The following PRH1 variants were observed in gnomAD, a reference collection of about 807,000 sequenced individuals.
PRH1 encodes salivary acidic proline-rich phosphoprotein 1/2.
PRH1 carries 7 observed loss-of-function variants against 7.9 expected under a neutral mutation model. That is an observed-to-expected ratio of 0.89 (90% CI 0.50 to 1.67). The LOEUF is 1.67. PRH1 is among the 40% of genes most tolerant of loss of function. PRH1 has a pLI of 0.00. For synonymous variants in PRH1, 45 were observed against 80.8 expected, an observed-to-expected ratio of 0.56 and a Z score of 2.38; for missense variants, 109 against 223.6, an observed-to-expected ratio of 0.49 and a Z score of 3.27.
intron 1 of PRH1, among the ~76,000 whole-genome samples, chr12:11,059,729 T>A (rs1208471825): frequency 6.8e-6 from 1 of 146,078 alleles, no homozygotes; most frequent in African/African-American, 2.5e-5. Flanking sequence ...ACTTTTCCTC[T>A]GCGGAAGGAT....
intron 1 of PRH1, among the ~76,000 whole-genome samples, chr12:11,151,972 A>C (rs1224905624): frequency 1.3e-5 from 2 of 151,938 alleles, no homozygotes; most frequent in African/African-American, 4.8e-5. Flanking sequence ...CAGATCTAAA[A>C]TTTTATAATA....
intron 2 of PRH1, among the ~76,000 whole-genome samples, chr12:10,906,279 T>C (rs1424905169): frequency 6.6e-6 from 1 of 152,188 alleles, no homozygotes; most frequent in Non-Finnish European, 1.5e-5. Flanking sequence ...TTGCAAATAT[T>C]TATTCCAACT....
downstream of PRH1, among the ~76,000 whole-genome samples, chr12:11,118,993 CAAAAAAAAAAAAAA>C (rs3983928): frequency 6.6e-5 from 5 of 75,580 alleles, no homozygotes; most frequent in Admixed American, 3.5e-4. Flanking sequence ...GACTCCATCT[CAAAAAAAAAAAAAA>C]AAAAAAAAAA....
chr12:11,168,279 AGAAAGAAAGAAAGAAAGAAAGAAGGAAG>A lies in PRH1; in HGVS notation n.39+3115_39+3142del, dbSNP rs1565725613. Reference sequence around the variant, plus strand: ...AAGAAAGAAAGAAAGAAAGAAAGAAAGAAAGAAAGAAAGAAAGAAAGAAGGAAGGAAGGAAGGAAGGAAGGAAGGAAGG... The same window carrying A: ...AAGAAAGAAAGAAAGAAAGAAAGAAAGAAGGAAGGAAGGAAGGAAGGAAGG... On this transcript the variant is annotated intron_variant and non_coding_transcript_variant, in intron 1 of 1. Transcript: ENST00000541175. Among the ~76,000 whole-genome samples, 306 of 33,388 alleles carry A rather than the reference AGAAAGAAAGAAAGAAAGAAAGAAGGAAG, an allele frequency of 9.2e-3. 89 individuals carry two copies. Among genetic ancestry groups the A allele is most frequent in the South Asian group, 0.027 (28 of 1,040 alleles). The allele number at this position is 33,388 out of a possible 152,430, so 21.9% of individuals were successfully genotyped here.
At chr12:11,037,458 C>A (rs2136114978) in intron 1 of PRH1, among the ~76,000 whole-genome samples, 1 of 152,220 alleles carries the variant, frequency 6.6e-6, no homozygotes, top group Middle Eastern at 3.4e-3. Flanking sequence ...TACAGGTGTA[C>A]ATGTGAATAG....
At chr12:10,909,254 T>G in intron 2 of PRH1, 1 of 1,613,740 alleles carries the variant, frequency 6.2e-7, no homozygotes, top group South Asian at 1.1e-5. Context: ...TTATGAATTC[T>G]GCAATTATTA....
intron 2 of PRH1, among the ~76,000 whole-genome samples, chr12:10,891,188 A>G (rs1949568303): frequency 6.6e-6 from 1 of 152,200 alleles, no homozygotes; most frequent in Admixed American, 6.5e-5. Context: ...TCAGGCCAGT[A>G]TGCAAGACAC....
At chr12:11,133,418 G>C (rs1363212314) in intron 1 of PRH1, 1 of 1,613,820 alleles carries the variant, frequency 6.2e-7, no homozygotes, top group African/African-American at 1.3e-5. Context: ...CAGGATGAAT[G>C]GGTGGGTTGA....
In PRH1 at chr12:11,070,475, T is replaced by C. The variant is rs752130986; in HGVS notation, n.124-23287A>G. On this transcript the variant is annotated intron_variant and non_coding_transcript_variant, in intron 1 of 4. Coordinates refer to the PRH1 transcript ENST00000541977. ...AACATATAAAACCACAAGTCAAAGA[T>C]CTAACACTGCACTTGATCTCCAAAG... is the stretch of plus-strand genomic sequence containing the variant. Among the ~76,000 whole-genome samples, 615 of 150,910 alleles carry C rather than the reference T, an allele frequency of 4.1e-3. 3 individuals carry two copies. The highest frequency in any genetic ancestry group is 6.5e-3 in the Non-Finnish European group (436 of 67,530).
In PRH1 at chr12:10,930,399, T is replaced by C. The variant is rs978663290; in HGVS notation, c.-59+43256A>G. ...GTCTTCTTATCATCCTTGTCAGGAA[T>C]TGGCTAATATCAGTGCCCCAGAGAT... On this transcript the variant is annotated intron_variant, in intron 2 of 3. Coordinates refer to the PRH1 transcript ENST00000539853. 6.2e-5 allele frequency: 95 copies of C among 1,528,448 alleles called. No individual in the cohort carries two copies. The Middle Eastern group carries it at 6.8e-4, about 11-fold the overall frequency. The allele number at this position is 1,528,448 out of a possible 1,614,324, so 94.7% of individuals were successfully genotyped here. A position where few individuals can be genotyped will look rare whatever the true frequency, so the allele number is the denominator to read the frequency against.
At chr12:11,033,036 G>T (rs554027551) in intron 1 of PRH1, among the ~76,000 whole-genome samples, 2 of 152,138 alleles carry the variant, frequency 1.3e-5, no homozygotes, top group South Asian at 2.1e-4. Context: ...AAACTCTAAC[G>T]TCCTCCAAGA....
chr12:11,124,242 A>G (rs1430784858), intron 1 of PRH1, among the ~76,000 whole-genome samples: 2 of 130,892 alleles, frequency 1.5e-5, no homozygotes, highest in Non-Finnish European at 3.4e-5. Context: ...AACCACAGCT[A>G]TGTCATTGTA....
chr12:11,160,270 T>C (rs898183675), intron 1 of PRH1, among the ~76,000 whole-genome samples: 1 of 152,176 alleles, frequency 6.6e-6, no homozygotes, highest in Non-Finnish European at 1.5e-5. Flanking sequence ...TCCCTAAAAT[T>C]ATTCATAATT....
At position 11,087,844 on chromosome 12, in the gene PRH1, C is replaced by T. The variant is rs1232917929; in HGVS notation, n.124-40656G>A. On this transcript the variant is annotated intron_variant and non_coding_transcript_variant, in intron 1 of 4. Coordinates refer to the PRH1 transcript ENST00000541977. ...TCCAGGATGTGCTGTCTTCACTAAG[C>T]AGAGCAGAGCTTCTGGTACTTTTTA... is the stretch of plus-strand genomic sequence containing the variant. Among the ~76,000 whole-genome samples the T allele has an allele frequency of 5.2e-5, 6 of 115,828 alleles. 1 individual carries two copies. The highest frequency in any genetic ancestry group is 1.7e-4 in the African/African-American group (6 of 34,480). The allele number at this position is 115,828 out of a possible 152,430, so 76.0% of individuals were successfully genotyped here. A position where few individuals can be genotyped will look rare whatever the true frequency, so the allele number is the denominator to read the frequency against.
In PRH1 at chr12:11,020,372, A is replaced by ATATATATATATATATC. The variant is rs1565557303; in HGVS notation, c.-126+26647_-126+26648insGATATATATATATATA. Among the ~76,000 whole-genome samples the ATATATATATATATATC allele has an allele frequency of 1.1e-4, 12 of 105,480 alleles. No individual in the cohort carries two copies. In the East Asian group the frequency reaches 4.4e-3, roughly 39 times the overall value. 69.2% of individuals were successfully genotyped at this position (105,480 alleles called of 152,430 possible). On this transcript the variant is annotated intron_variant, in intron 1 of 3. Coordinates refer to the PRH1 transcript ENST00000539853. ...AGGACGTATGATAAGCGATATATAT[A>ATATATATATATATATC]TATATATATATATATATATGTCTAT...
chr12:10,944,896 C>A (rs1475431965), intron 2 of PRH1, among the ~76,000 whole-genome samples: 1 of 152,072 alleles, frequency 6.6e-6, no homozygotes, highest in African/African-American at 2.4e-5. Context: ...ACTTTGCATG[C>A]CAGGATGAGG....
rs563541461 is a variant in PRH1, at chr12:11,097,836, G to C, written n.124-50648C>G. ...TAAGTACTGGAGCTCAGCGTGATGA[G>C]AGAACACTATTATTCTTCCTCATGG... is the stretch of plus-strand genomic sequence containing the variant. On this transcript the variant is annotated intron_variant and non_coding_transcript_variant, in intron 1 of 4. Coordinates refer to the PRH1 transcript ENST00000541977. 5.3e-5 allele frequency among the ~76,000 whole-genome samples: 6 copies of C among 112,450 alleles called. 1 individual carries two copies. The highest frequency in any genetic ancestry group is 1.8e-4 in the African/African-American group (6 of 34,036). 73.8% of individuals were successfully genotyped at this position (112,450 alleles called of 152,430 possible).
intron 1 of PRH1, among the ~76,000 whole-genome samples, chr12:11,143,335 C>A (rs1176268334): frequency 6.6e-6 from 1 of 151,654 alleles, no homozygotes; most frequent in East Asian, 1.9e-4. Context: ...TCATAGTAAT[C>A]GCAAATCAAA....
intron 2 of PRH1, chr12:10,938,535 T>C (rs1591702034): frequency 1.9e-6 from 3 of 1,614,066 alleles, no homozygotes; most frequent in South Asian, 1.1e-5. Flanking sequence ...CTGTGGGCTT[T>C]GGTGCTGGCG....
Sources: gnomAD v4.1 joint callset for allele counts (sites outside exome capture counted in the v4.1 genomes callset) on GRCh38, gnomAD v4.1.1 for gene constraint, MANE v1.5 for transcripts, NCBI Gene and HGNC (gene_info 2026-07-23, HGNC 2026-07-21) for gene names.